ZNF385C: variants seen among roughly 807,000 people sequenced by gnomAD.
ZNF385C encodes zinc finger protein 385C, also known as CTD-2132N18.2.
A neutral mutation model predicts 35.4 loss-of-function variants in ZNF385C; 28 were observed. The ratio of observed to expected loss-of-function variants is 0.79; its 90% confidence interval spans 0.59 to 1.08. The LOEUF is 1.08. Ranked by LOEUF, ZNF385C falls within the 50% of genes least tolerant of loss-of-function variation. The probability of loss-of-function intolerance (pLI) is 0.00; values close to 1 mark genes in which losing one functional copy is unlikely to be tolerated. For synonymous variants in ZNF385C, 248 were observed against 248.2 expected (o/e 1.00, Z 0.01); for missense variants, 605 against 595.6 (o/e 1.02, Z -0.16).
chr17:42,041,705 T>G (rs563936032), intron 2 of ZNF385C, among the ~76,000 whole-genome samples: 1 of 152,260 alleles, frequency 6.6e-6, no homozygotes, highest in African/African-American at 2.4e-5. Context: ...TCCCAACCAG[T>G]CACCCTGGGT....
At chr17:42,052,223 G>A (rs1308670953) in intron 2 of ZNF385C, among the ~76,000 whole-genome samples, 4 of 152,150 alleles carry the variant, frequency 2.6e-5, no homozygotes, top group African/African-American at 9.7e-5. Flanking sequence ...ACCGAGGCTG[G>A]GGCAGGGCAC....
intron 2 of ZNF385C, among the ~76,000 whole-genome samples, chr17:42,045,717 G>C (rs1440263996): frequency 6.6e-6 from 1 of 152,022 alleles, no homozygotes; most frequent in Admixed American, 6.6e-5. Flanking sequence ...CAGCTGCCTC[G>C]GTCTCTGCAT....
chr17:42,027,538 G>A (rs925377743), intron 8 of ZNF385C, 80 bp downstream of exon 8: 38 of 987,440 alleles, frequency 3.8e-5, no homozygotes, highest in Non-Finnish European at 5.1e-5. Context: ...CTGCCCCACC[G>A]CAGCCCCCCC....
intron 2 of ZNF385C, among the ~76,000 whole-genome samples, chr17:42,053,748 A>G (rs2053326321): frequency 6.6e-6 from 1 of 151,866 alleles, no homozygotes; most frequent in South Asian, 2.1e-4. Context: ...GGCCAACTAT[A>G]GCAGGAAAGG....
chr17:42,082,284 C>T (rs1288010968), intron 1 of ZNF385C, among the ~76,000 whole-genome samples: 2 of 152,204 alleles, frequency 1.3e-5, no homozygotes, highest in African/African-American at 4.8e-5. Flanking sequence ...GTGATCCGCT[C>T]GCCTCAGCCT....
chr17:42,078,312 A>T (rs2053706682), intron 1 of ZNF385C, among the ~76,000 whole-genome samples: 2 of 152,078 alleles, frequency 1.3e-5, no homozygotes, highest in South Asian at 4.1e-4. Flanking sequence ...TTAAATTCCC[A>T]GATGTAAAAG....
At chr17:42,078,537 A>T (rs2053709990) in intron 1 of ZNF385C, among the ~76,000 whole-genome samples, 1 of 151,676 alleles carries the variant, frequency 6.6e-6, no homozygotes, top group African/African-American at 2.4e-5. Flanking sequence ...GGATTCTTGG[A>T]CAAGCCCAAG....
At chr17:42,043,407 C>T in intron 2 of ZNF385C, 1 of 1,231,810 alleles carries the variant, frequency 8.1e-7, no homozygotes, top group Non-Finnish European at 1.0e-6. Context: ...ACCCCCAACC[C>T]CCACCTGAAT....
At chr17:42,072,098 A>AC (rs532829903) in intron 1 of ZNF385C, among the ~76,000 whole-genome samples, 26 of 151,678 alleles carry the variant, frequency 1.7e-4, no homozygotes, top group African/African-American at 6.3e-4. Context: ...TACTTTTTGC[A>AC]CCCCCCAAAA....
chr17:42,093,591 T>TA (rs1555660744), intron 1 of ZNF385C, among the ~76,000 whole-genome samples: 17 of 151,394 alleles, frequency 1.1e-4, no homozygotes, highest in African/African-American at 3.9e-4. Context: ...ATTTATTTTT[T>TA]TTTTTTTGAG....
intron 1 of ZNF385C, among the ~76,000 whole-genome samples, chr17:42,089,990 G>A (rs2053847843): frequency 6.6e-6 from 1 of 152,124 alleles, no homozygotes; most frequent in Non-Finnish European, 1.5e-5. Context: ...ACATCCTTCG[G>A]GTCAAAATAT....
chr17:42,063,332 C>T (rs2053493562), intron 1 of ZNF385C, among the ~76,000 whole-genome samples: 1 of 152,140 alleles, frequency 6.6e-6, no homozygotes, highest in Non-Finnish European at 1.5e-5. Flanking sequence ...AGTTTGACAC[C>T]AGCCTGACCA....
Position 42,034,269 on chromosome 17 carries a change from G to C in ZNF385C, c.466C>G (p.Leu156Val). The change falls in exon 4 of 9, where the codon CTG becomes GTG. Residue 156 changes from leucine (L) to valine (V), a missense_variant. Transcript: ENST00000692273. ...FGVPSPLKKKLFISCNICHLR... is the reference protein window; with the variant it reads ...FGVPSPLKKKVFISCNICHLR... ...TGACAGATGTTACAGGAAATGAACA[G>C]CTTCTTCTTCAGAGGGGAGGGGACA... 1 of 1,550,618 alleles carries C rather than the reference G, an allele frequency of 6.4e-7. No homozygotes were observed.
At chr17:42,096,342 G>C (rs1555660958) in intron 1 of ZNF385C, among the ~76,000 whole-genome samples, 1 of 152,232 alleles carries the variant, frequency 6.6e-6, no homozygotes, top group South Asian at 2.1e-4. Context: ...CACAGGTATG[G>C]AGAATGTGGT....
chr17:42,093,863 G>A (rs2053888889), intron 1 of ZNF385C, among the ~76,000 whole-genome samples: 1 of 151,916 alleles, frequency 6.6e-6, no homozygotes. Flanking sequence ...GGGATTACAG[G>A]TGTGAGCCAC....
At chr17:42,049,290 T>C (rs1555656899) in intron 2 of ZNF385C, among the ~76,000 whole-genome samples, 1 of 152,208 alleles carries the variant, frequency 6.6e-6, no homozygotes, top group Non-Finnish European at 1.5e-5. Context: ...CCCTGTTTGT[T>C]CTCTCCATTC....
intron 2 of ZNF385C, among the ~76,000 whole-genome samples, chr17:42,059,389 C>T (rs1282717735): frequency 1.1e-4 from 16 of 152,212 alleles, no homozygotes; most frequent in Admixed American, 2.0e-4. Flanking sequence ...TGACACACAA[C>T]GGATGGCCAG....
At chr17:42,028,006 C>T (rs782588763) in intron 7 of ZNF385C, 44 bp downstream of exon 7, 2 of 1,596,508 alleles carry the variant, frequency 1.3e-6, no homozygotes, top group South Asian at 1.1e-5. Context: ...CCCCCCAACC[C>T]CCTCCCCTGG....
Position 42,028,208 on chromosome 17 carries a change from C to A in ZNF385C, c.1006G>T (p.Ala336Ser), listed in dbSNP as rs368510158. The change falls in exon 7 of 9, where the codon GCT becomes TCT. Residue 336 changes from alanine to serine, a missense_variant. Physicochemically the swap from Ala to Ser is moderately conservative, Grantham distance 99. Transcript: ENST00000692273. ...GGGCGGCCCCGGCTCCTCCGGGGAG[C>A]CCCTCGCTGACCTTCCATCATCCAC... ...HRWMMEGQRGAPRRSRGRPVS... is the reference protein window; with the variant it reads ...HRWMMEGQRGSPRRSRGRPVS... 36 of 1,561,204 alleles carry A rather than the reference C, an allele frequency of 2.3e-5. No homozygotes were observed. Among genetic ancestry groups the A allele is most frequent in the Non-Finnish European group, 2.9e-5 (34 of 1,156,240 alleles).
Sources: gnomAD v4.1 joint callset for allele counts (sites outside exome capture counted in the v4.1 genomes callset) on GRCh38, gnomAD v4.1.1 for gene constraint, MANE v1.5 for transcripts, NCBI Gene and HGNC (gene_info 2026-07-23, HGNC 2026-07-21) for gene names.